PSMD14: variants seen among roughly 807,000 people sequenced by gnomAD.
The protein encoded by PSMD14 is ubiquitin C-terminal hydrolase PSMD14.
Under a neutral mutation model 41.2 loss-of-function variants are expected in PSMD14, and 7 were observed. The ratio of observed to expected loss-of-function variants is 0.17; its 90% CI spans 0.10 to 0.32. The LOEUF (loss-of-function observed/expected upper bound fraction) is 0.32. Ranked by LOEUF, PSMD14 falls within the 10% of genes least tolerant of loss-of-function variation. The pLI, the probability that PSMD14 is intolerant of heterozygous loss-of-function variation, is 1.00. For synonymous variants in PSMD14, 114 were observed against 122.3 expected (o/e 0.93, Z 0.45); for missense variants, 139 against 375.6 (o/e 0.37, Z 5.21).
intron 7 of PSMD14, among the ~76,000 whole-genome samples, chr2:161,374,192 G>A (rs1185987875): frequency 6.6e-6 from 1 of 151,898 alleles, no homozygotes; most frequent in East Asian, 1.9e-4. Context: ...GTCATTGTGA[G>A]GCCATTCCTT....
At chr2:161,394,069 C>A (rs1009697386) in intron 9 of PSMD14, among the ~76,000 whole-genome samples, 1 of 146,062 alleles carries the variant, frequency 6.8e-6, no homozygotes, top group African/African-American at 2.5e-5. Flanking sequence ...CTCCCGGGGT[C>A]CAAGTGATTC....
intron 7 of PSMD14, 182 bp from the exon 8 acceptor site, chr2:161,385,282 G>A: frequency 2.6e-6 from 1 of 380,990 alleles, no homozygotes; most frequent in Admixed American, 4.4e-5. Flanking sequence ...TACATTACAA[G>A]ATAGAGGGTG....
chr2:161,351,549 G>A (rs1038577950), intron 3 of PSMD14, among the ~76,000 whole-genome samples: 1 of 152,106 alleles, frequency 6.6e-6, no homozygotes. Flanking sequence ...GTGTATTAAT[G>A]AATTTACTAC....
intron 9 of PSMD14, among the ~76,000 whole-genome samples, chr2:161,392,933 T>C (rs1683733267): frequency 1.3e-5 from 2 of 152,178 alleles, no homozygotes; most frequent in South Asian, 4.1e-4. Flanking sequence ...CAATTTTTCT[T>C]TCTTTTTTTT....
intron 3 of PSMD14, among the ~76,000 whole-genome samples, chr2:161,356,650 C>T (rs1195651341): frequency 6.6e-6 from 1 of 151,756 alleles, no homozygotes; most frequent in Non-Finnish European, 1.5e-5. Context: ...TGTTATAAAG[C>T]ATATATTTTA....
At chr2:161,379,283 T>G (rs1198725905) in intron 7 of PSMD14, among the ~76,000 whole-genome samples, 8 of 152,134 alleles carry the variant, frequency 5.3e-5, no homozygotes, top group African/African-American at 1.7e-4. Context: ...TAGTCTCTTG[T>G]AGCTTATTAG....
chr2:161,345,648 A>G (rs184160674), intron 3 of PSMD14, among the ~76,000 whole-genome samples: 60 of 151,910 alleles, frequency 3.9e-4, no homozygotes, highest in African/African-American at 1.4e-3. Context: ...AGTTTTCTTC[A>G]TGTTTCTTGT....
At chr2:161,327,085 G>C (rs1682710255) in intron 3 of PSMD14, among the ~76,000 whole-genome samples, 1 of 152,070 alleles carries the variant, frequency 6.6e-6, no homozygotes, top group African/African-American at 2.4e-5. Context: ...GAACCTAAAA[G>C]ATATTTTGCT....
intron 3 of PSMD14, among the ~76,000 whole-genome samples, chr2:161,359,119 C>T (rs1683251912): frequency 6.6e-6 from 1 of 152,032 alleles, no homozygotes; most frequent in Non-Finnish European, 1.5e-5. Flanking sequence ...CAGGCACACA[C>T]CACCATGCCT....
intron 7 of PSMD14, 47 bp downstream of exon 7, chr2:161,371,369 T>G: frequency 6.6e-7 from 1 of 1,525,688 alleles, no homozygotes; most frequent in Non-Finnish European, 8.9e-7. Context: ...ACATTCTGTT[T>G]ACAGATACAT....
At chr2:161,342,129 G>A (rs1426511903) in intron 3 of PSMD14, among the ~76,000 whole-genome samples, 2 of 151,994 alleles carry the variant, frequency 1.3e-5, no homozygotes, top group African/African-American at 4.8e-5. Context: ...AATCCTGATG[G>A]CCCTTTATTT....
intron 2 of PSMD14, among the ~76,000 whole-genome samples, chr2:161,317,605 C>A (rs1313064675): frequency 6.6e-6 from 1 of 152,072 alleles, no homozygotes; most frequent in Non-Finnish European, 1.5e-5. Flanking sequence ...TCTGTATGTG[C>A]ACTTGAGTGA....
intron 3 of PSMD14, among the ~76,000 whole-genome samples, chr2:161,336,584 C>G (rs1682873877): frequency 6.6e-6 from 1 of 151,680 alleles, no homozygotes. Flanking sequence ...TTTATTTATT[C>G]ATTTATTTTG....
At chr2:161,397,673 C>T (rs1196363342) in intron 10 of PSMD14, among the ~76,000 whole-genome samples, 2 of 151,944 alleles carry the variant, frequency 1.3e-5, no homozygotes, top group Non-Finnish European at 2.9e-5. Context: ...ATAAAATTTA[C>T]CAAGTGTAGC....
At chr2:161,314,588 C>T (rs1183786233) in intron 1 of PSMD14, among the ~76,000 whole-genome samples, 1 of 152,182 alleles carries the variant, frequency 6.6e-6, no homozygotes, top group Non-Finnish European at 1.5e-5. Flanking sequence ...AGTCTGCATT[C>T]TGTCTCTATG....
intron 3 of PSMD14, among the ~76,000 whole-genome samples, chr2:161,339,083 A>C (rs1665679416): frequency 6.6e-6 from 1 of 152,214 alleles, no homozygotes; most frequent in African/African-American, 2.4e-5. Flanking sequence ...TGGCTGTTAC[A>C]GATAAAACTG....
At position 161,352,634 on chromosome 2, in the gene PSMD14, A is replaced by G. The variant is rs112251817; in HGVS notation, c.49-14844A>G. 5.1e-4 allele frequency among the ~76,000 whole-genome samples: 77 copies of G among 151,630 alleles called. 1 individual carries two copies. The highest frequency in any genetic ancestry group is 3.4e-3 in the Middle Eastern group (1 of 294). On this transcript the variant is annotated intron_variant, in intron 3 of 11. Coordinates refer to ENST00000409682, the MANE Select transcript of PSMD14 (RefSeq NM_005805.6). ...ATCTGCCATCCAGTTTCCCAAGTCT[A>G]TTTTTTCTTCCTTTTTTTCAAATAG...
chr2:161,340,543 G>C (rs1682936953), intron 3 of PSMD14, among the ~76,000 whole-genome samples: 1 of 152,166 alleles, frequency 6.6e-6, no homozygotes. Flanking sequence ...TCCAGGGTCT[G>C]AGCTCTAACT....
chr2:161,377,434 C>T (rs1683518461), intron 7 of PSMD14, among the ~76,000 whole-genome samples: 1 of 151,776 alleles, frequency 6.6e-6, no homozygotes, highest in African/African-American at 2.4e-5. Flanking sequence ...ACTCTCAGAT[C>T]TTGTGAGGAC....
Sources: gnomAD v4.1 joint callset for allele counts (sites outside exome capture counted in the v4.1 genomes callset) on GRCh38, gnomAD v4.1.1 for gene constraint, MANE v1.5 for transcripts, NCBI Gene and HGNC (gene_info 2026-07-23, HGNC 2026-07-21) for gene names.